ZFYVE9: variants seen among roughly 807,000 people sequenced by gnomAD.
ZFYVE9 encodes zinc finger FYVE-type containing 9.
In ZFYVE9, 43 loss-of-function variants were observed where a neutral mutation model predicts 126.7. That is an observed-to-expected ratio of 0.34 (90% CI 0.27 to 0.44). The LOEUF is 0.44. ZFYVE9 is among the 20% of genes least tolerant of loss of function. The probability of loss-of-function intolerance (pLI) is 1.00; values close to 1 mark genes in which losing one functional copy is unlikely to be tolerated. For missense variants in ZFYVE9, 1,476 were observed against 1,697.0 expected, an observed-to-expected ratio of 0.87 and a Z score of 2.29; for synonymous variants, 521 against 597.4, an observed-to-expected ratio of 0.87 and a Z score of 1.87.
intron 4 of ZFYVE9, among the ~76,000 whole-genome samples, chr1:52,240,559 T>G (rs1391180303): frequency 3.3e-5 from 5 of 152,118 alleles, no homozygotes; most frequent in African/African-American, 1.2e-4. Flanking sequence ...CCCCAGTGAC[T>G]TAGGTGAAAA....
intron 4 of ZFYVE9, chr1:52,251,923 T>G (rs1210382058): frequency 6.5e-6 from 1 of 153,140 alleles, no homozygotes; most frequent in Non-Finnish European, 1.5e-5. Flanking sequence ...TGGTAGGTTT[T>G]GTGTTTTTAG....
chr1:52,243,156 G>A (rs1308037405), intron 4 of ZFYVE9, among the ~76,000 whole-genome samples: 1 of 152,194 alleles, frequency 6.6e-6, no homozygotes, highest in African/African-American at 2.4e-5. Context: ...AACAAACACT[G>A]AGTGCCTGTT....
At chr1:52,233,407 A>G (rs1269757614) in intron 3 of ZFYVE9, 131 bp downstream of exon 3, 2 of 478,140 alleles carry the variant, frequency 4.2e-6, no homozygotes, top group Non-Finnish European at 6.7e-6. Flanking sequence ...TTAATAATAT[A>G]CAGGGGAAGA....
chr1:52,298,593 T>C (rs1474713092), intron 12 of ZFYVE9, among the ~76,000 whole-genome samples: 3 of 152,190 alleles, frequency 2.0e-5, no homozygotes, highest in Non-Finnish European at 4.4e-5. Context: ...CTAGCTTTGT[T>C]CTTTTTGCTC....
chr1:52,233,942 G>T (rs967187979), intron 3 of ZFYVE9, among the ~76,000 whole-genome samples: 11 of 152,068 alleles, frequency 7.2e-5, no homozygotes, highest in African/African-American at 1.4e-4. Flanking sequence ...CACCATGCCT[G>T]GCTAATTTTT....
chr1:52,166,024 C>T (rs1280412371), intron 1 of ZFYVE9, among the ~76,000 whole-genome samples: 2 of 152,216 alleles, frequency 1.3e-5, no homozygotes, highest in African/African-American at 2.4e-5. Context: ...GTTTGCATAC[C>T]GTCACACTTT....
At position 52,170,348 on chromosome 1, in the gene ZFYVE9, T is replaced by G. The variant is rs1239941934; in HGVS notation, c.-143+27945T>G. ...TTTCATCTCTGATTTCGTTTGAGTC[T>G]TCTTTTTTTCTTAGTCTGGCTAAAG... is the stretch of plus-strand genomic sequence containing the variant. On this transcript the variant is annotated intron_variant, in intron 1 of 18. Transcript: ENST00000287727. Among the ~76,000 whole-genome samples the G allele has an allele frequency of 3.3e-5, 5 of 152,168 alleles. No individual in the cohort carries two copies. The East Asian group carries it at 7.7e-4, about 23-fold the overall frequency.
intron 1 of ZFYVE9, among the ~76,000 whole-genome samples, chr1:52,192,994 C>T (rs530586820): frequency 1.3e-5 from 2 of 152,270 alleles, no homozygotes; most frequent in East Asian, 3.9e-4. Flanking sequence ...ATTATTATTA[C>T]TGTTTTATTG....
intron 4 of ZFYVE9, among the ~76,000 whole-genome samples, chr1:52,256,323 T>A (rs1362228897): frequency 6.6e-6 from 1 of 151,888 alleles, no homozygotes; most frequent in Non-Finnish European, 1.5e-5. Context: ...CACATCAGCC[T>A]CCCAAAGTGC....
chr1:52,251,010 C>T (rs1396790121), intron 4 of ZFYVE9, among the ~76,000 whole-genome samples: 1 of 151,586 alleles, frequency 6.6e-6, no homozygotes, highest in Non-Finnish European at 1.5e-5. Flanking sequence ...CCATGCTTGG[C>T]CAGTTTTCAG....
chr1:52,308,445 C>T (rs768025397), intron 13 of ZFYVE9, among the ~76,000 whole-genome samples: 1 of 152,146 alleles, frequency 6.6e-6, no homozygotes, highest in Non-Finnish European at 1.5e-5. Flanking sequence ...TCTTGGCTTC[C>T]CTAAGTGCTG....
chr1:52,308,631 C>T (rs1646108429), intron 13 of ZFYVE9, among the ~76,000 whole-genome samples: 1 of 152,036 alleles, frequency 6.6e-6, no homozygotes, highest in South Asian at 2.1e-4. Flanking sequence ...CTTATTGATT[C>T]ATACTTCCCC....
At chr1:52,332,600 ATTTGT>A (rs772018507) in intron 13 of ZFYVE9, among the ~76,000 whole-genome samples, 163 bp from the exon 14 acceptor site, 1 of 152,178 alleles carries the variant, frequency 6.6e-6, no homozygotes, top group Non-Finnish European at 1.5e-5. Flanking sequence ...GTGTACATTG[ATTTGT>A]TAATGGTGAC....
intron 4 of ZFYVE9, among the ~76,000 whole-genome samples, chr1:52,245,966 C>T (rs549230586): frequency 3.9e-4 from 59 of 152,278 alleles, no homozygotes; most frequent in African/African-American, 1.3e-3. Flanking sequence ...CTCACTCTGT[C>T]GCCCAGGCTG....
intron 12 of ZFYVE9, 134 bp from the exon 13 acceptor site, chr1:52,303,687 A>G: frequency 2.0e-6 from 1 of 501,740 alleles, no homozygotes. Flanking sequence ...CTTTCATTAT[A>G]CATTTCCTTA....
intron 1 of ZFYVE9, among the ~76,000 whole-genome samples, chr1:52,144,430 T>C (rs1194447392): frequency 6.6e-6 from 1 of 152,148 alleles, no homozygotes; most frequent in Admixed American, 6.5e-5. Context: ...TGCAGATTCT[T>C]GGTCCCTTGA....
At chr1:52,174,155 C>T (rs1345627226) in intron 1 of ZFYVE9, among the ~76,000 whole-genome samples, 1 of 152,104 alleles carries the variant, frequency 6.6e-6, no homozygotes, top group South Asian at 2.1e-4. Context: ...CTATAAATTT[C>T]CCTCTACACA....
intron 1 of ZFYVE9, among the ~76,000 whole-genome samples, chr1:52,157,797 C>G (rs1644417571): frequency 6.6e-6 from 1 of 152,118 alleles, no homozygotes; most frequent in Non-Finnish European, 1.5e-5. Context: ...TAAGAGTTCA[C>G]TAGCTTCTGG....
At chr1:52,296,533 C>T (rs1382095633) in intron 12 of ZFYVE9, among the ~76,000 whole-genome samples, 2 of 152,076 alleles carry the variant, frequency 1.3e-5, no homozygotes, top group African/African-American at 2.4e-5. Flanking sequence ...CTCCTACACA[C>T]GTGCACAGGT....
Sources: allele counts gnomAD v4.1 joint callset (sites outside exome capture counted in the v4.1 genomes callset), GRCh38; gene constraint gnomAD v4.1.1; transcripts MANE v1.5; gene names NCBI Gene and HGNC (gene_info 2026-07-23, HGNC 2026-07-21).